KAT6B: variants seen among roughly 807,000 people sequenced by gnomAD.
KAT6B encodes histone acetyltransferase KAT6B.
Under a neutral mutation model 187.5 loss-of-function variants are expected in KAT6B, and 10 were observed. The ratio of observed to expected loss-of-function variants is 0.05; its 90% CI spans 0.03 to 0.09. The LOEUF is 0.09. KAT6B is among the 10% of genes least tolerant of loss of function. The pLI, the probability that KAT6B is intolerant of heterozygous loss-of-function variation, is 1.00. For synonymous variants in KAT6B, 861 were observed against 926.8 expected, an observed-to-expected ratio of 0.93 and a Z score of 1.29; for missense variants, 1,952 against 2,558.9, an observed-to-expected ratio of 0.76 and a Z score of 5.12.
At chr10:74,858,283 A>ATTTTT (rs755754008) in intron 3 of KAT6B, among the ~76,000 whole-genome samples, 5 of 135,140 alleles carry the variant, frequency 3.7e-5, no homozygotes, top group East Asian at 4.3e-4. Context: ...TGGATGGGCA[A>ATTTTT]TTTTTTTTTT....
At chr10:74,861,768 C>T (rs77899907) in intron 3 of KAT6B, among the ~76,000 whole-genome samples, 9 of 152,178 alleles carry the variant, frequency 5.9e-5, no homozygotes, top group East Asian at 3.9e-4. Context: ...TTATAATAGA[C>T]GTCACTGAGA....
chr10:74,891,366 G>A (rs923840659), intron 3 of KAT6B, among the ~76,000 whole-genome samples: 7 of 152,156 alleles, frequency 4.6e-5, no homozygotes, highest in Non-Finnish European at 8.8e-5. Flanking sequence ...GTCATTTTGG[G>A]GTAGGGAAAT....
At chr10:74,932,305 A>T (rs1848938705) in intron 3 of KAT6B, among the ~76,000 whole-genome samples, 1 of 152,212 alleles carries the variant, frequency 6.6e-6, no homozygotes, top group Non-Finnish European at 1.5e-5. Context: ...TTCCCACAAC[A>T]ACTATAGTTA....
At chr10:75,008,518 A>G (rs1239619114) in intron 13 of KAT6B, among the ~76,000 whole-genome samples, 2 of 152,240 alleles carry the variant, frequency 1.3e-5, no homozygotes, top group East Asian at 1.9e-4. Context: ...TTGTCTGTTC[A>G]TAGACTAGGA....
chr10:74,976,429 T>A, intron 8 of KAT6B, 99 bp downstream of exon 8: 2 of 952,126 alleles, frequency 2.1e-6, no homozygotes, highest in South Asian at 1.4e-5. Flanking sequence ...GTCACATAGG[T>A]CTTAGCTATT....
At chr10:74,867,755 A>C in intron 3 of KAT6B, among the ~76,000 whole-genome samples, 1 of 152,202 alleles carries the variant, frequency 6.6e-6, no homozygotes, top group East Asian at 1.9e-4. Context: ...TCTGCAGACC[A>C]GTTGGTCAGT....
At position 74,900,771 on chromosome 10, in the gene KAT6B, C is replaced by T. The variant is rs550088521; in HGVS notation, c.621+57293C>T. On this transcript the variant is annotated intron_variant, in intron 3 of 17. Coordinates refer to ENST00000287239, the MANE Select transcript of KAT6B (RefSeq NM_012330.4). The stretch of plus-strand genomic sequence containing the variant: ...CCAGCCAATAGCTATCACTGCCTAC[C>T]ACATAGTGCTACAAAACAGCGTAAG... Among the ~76,000 whole-genome samples the T allele has an allele frequency of 1.8e-4, 27 of 152,294 alleles. 1 individual carries two copies. The South Asian group carries it at 5.6e-3, about 32-fold the overall frequency.
At chr10:74,995,699 T>C (rs1843386483) in intron 13 of KAT6B, among the ~76,000 whole-genome samples, 1 of 152,260 alleles carries the variant, frequency 6.6e-6, no homozygotes, top group Non-Finnish European at 1.5e-5. Context: ...CTCCGTTGCA[T>C]GCATGTATAC....
At chr10:74,969,839 C>A in intron 5 of KAT6B, 64 bp downstream of exon 5, 1 of 1,239,742 alleles carries the variant, frequency 8.1e-7, no homozygotes, top group Non-Finnish European at 1.2e-6. Flanking sequence ...AAGGTGTTTT[C>A]ATTTTTATAG....
chr10:74,955,388 C>CT (rs1417882114), intron 3 of KAT6B, among the ~76,000 whole-genome samples: 1 of 142,176 alleles, frequency 7.0e-6, no homozygotes, highest in Non-Finnish European at 1.5e-5. Context: ...TTTTATCCCC[C>CT]CCCCCCCAAC....
chr10:74,963,376 G>A (rs1226993607), intron 4 of KAT6B, among the ~76,000 whole-genome samples: 1 of 152,182 alleles, frequency 6.6e-6, no homozygotes, highest in Admixed American at 6.5e-5. Context: ...GATGAGTTGT[G>A]TGCATGTGTG....
chr10:74,944,160 G>A (rs1262669867), intron 3 of KAT6B, among the ~76,000 whole-genome samples: 3 of 152,200 alleles, frequency 2.0e-5, no homozygotes, highest in African/African-American at 7.2e-5. Context: ...TTCACAGATT[G>A]CTCTGAAGCT....
chr10:74,825,837 C>T (rs1397164169), upstream of KAT6B, among the ~76,000 whole-genome samples: 1 of 151,110 alleles, frequency 6.6e-6, no homozygotes. This position sits in a 1 kb window ranked among gnomAD's most constrained non-coding sequence, Gnocchi z 5.0. Context: ...CTGCCTGCAC[C>T]CGGCCTGGGG....
intron 8 of KAT6B, chr10:74,976,687 G>A (rs1359514330): frequency 2.7e-6 from 1 of 369,518 alleles, no homozygotes; most frequent in Non-Finnish European, 5.2e-6. Context: ...TGCAGCCACA[G>A]CGCTGTTCAG....
At chr10:75,000,933 A>G (rs1399931864) in intron 13 of KAT6B, among the ~76,000 whole-genome samples, 1 of 152,082 alleles carries the variant, frequency 6.6e-6, no homozygotes, top group Non-Finnish European at 1.5e-5. Context: ...CAGCGCTGCT[A>G]GAAGATGGTG....
chr10:75,009,961 A>G (rs1844483143), intron 13 of KAT6B, among the ~76,000 whole-genome samples: 1 of 152,176 alleles, frequency 6.6e-6, no homozygotes. Flanking sequence ...AGATCATGCC[A>G]TTGCACTCCA....
At chr10:74,917,452 G>C (rs914890578) in intron 3 of KAT6B, among the ~76,000 whole-genome samples, 2 of 151,994 alleles carry the variant, frequency 1.3e-5, no homozygotes, top group African/African-American at 4.8e-5. Context: ...TTTATTTCCT[G>C]CAATCTATTA....
At chr10:74,952,318 G>A (rs933343039) in intron 3 of KAT6B, among the ~76,000 whole-genome samples, 1 of 151,854 alleles carries the variant, frequency 6.6e-6, no homozygotes, top group Non-Finnish European at 1.5e-5. Flanking sequence ...TCACGCCCCC[G>A]CTCTCCATCC....
At chr10:74,963,135 C>T (rs1841220343) in intron 4 of KAT6B, among the ~76,000 whole-genome samples, 1 of 152,122 alleles carries the variant, frequency 6.6e-6, no homozygotes, top group African/African-American at 2.4e-5. Flanking sequence ...ATTATTCCAG[C>T]CACTAATATG....
Sources: allele counts gnomAD v4.1 joint callset (sites outside exome capture counted in the v4.1 genomes callset), GRCh38; gene constraint gnomAD v4.1.1; non-coding constraint Gnocchi (gnomAD v3.1); transcripts MANE v1.5; gene names NCBI Gene and HGNC (gene_info 2026-07-23, HGNC 2026-07-21).